CSNK1G3: variants seen among roughly 807,000 people sequenced by gnomAD.
CSNK1G3 encodes casein kinase 1 gamma 3, also known as casein kinase I isoform gamma-3.
A neutral mutation model predicts 64.3 loss-of-function variants in CSNK1G3; 23 were observed. The observed-to-expected ratio is 0.36, with a 90% confidence interval of 0.26 to 0.51. The LOEUF is 0.51. CSNK1G3 is among the 20% of genes least tolerant of loss of function. The probability of loss-of-function intolerance (pLI) is 0.96; values close to 1 mark genes in which losing one functional copy is unlikely to be tolerated. For missense variants in CSNK1G3, 357 were observed against 510.5 expected (o/e 0.70, Z 2.90); for synonymous variants, 158 against 162.2 (o/e 0.97, Z 0.20).
chr5:123,581,399 C>A (rs1401494307), intron 6 of CSNK1G3, among the ~76,000 whole-genome samples: 1 of 88,992 alleles, frequency 1.1e-5, no homozygotes, highest in Non-Finnish European at 2.4e-5. Flanking sequence ...CCTGTGTTGT[C>A]CCTTACTTTT....
At chr5:123,559,502 A>G (rs939798507) in intron 4 of CSNK1G3, among the ~76,000 whole-genome samples, 4 of 152,188 alleles carry the variant, frequency 2.6e-5, no homozygotes, top group African/African-American at 7.2e-5. Flanking sequence ...GTGTTGCACA[A>G]CTGCAGGGAC....
At chr5:123,525,964 CT>C (rs1249878979) in intron 1 of CSNK1G3, among the ~76,000 whole-genome samples, 1 of 149,386 alleles carries the variant, frequency 6.7e-6, no homozygotes, top group Non-Finnish European at 1.5e-5. Context: ...CACCACTGCA[CT>C]CCAGCTTGGG....
Position 123,538,663 on chromosome 5 carries a change from T to C in CSNK1G3, c.-247-6754T>C, listed in dbSNP as rs1010475491. Among the ~76,000 whole-genome samples, 3 of 152,184 alleles carry C rather than the reference T, an allele frequency of 2.0e-5. No individual in the cohort carries two copies. The East Asian group carries it at 5.8e-4, about 29-fold the overall frequency. On this transcript the variant is annotated intron_variant, in intron 1 of 12. Coordinates refer to ENST00000345990, the Ensembl canonical transcript of CSNK1G3. ...GTTTGATGGGTGCAGCATACCACCA[T>C]GGCGCATGTATACCTGTGTAACAAA... is the stretch of plus-strand genomic sequence containing the variant.
intron 1 of CSNK1G3, among the ~76,000 whole-genome samples, chr5:123,526,424 G>T (rs959167809): frequency 7.9e-5 from 12 of 151,784 alleles, no homozygotes; most frequent in African/African-American, 2.9e-4. Flanking sequence ...AGACAGTTTT[G>T]TTAAAGGAAA....
chr5:123,558,629 GGC>G (rs1324675338), intron 4 of CSNK1G3, among the ~76,000 whole-genome samples: 1 of 151,980 alleles, frequency 6.6e-6, no homozygotes, highest in Non-Finnish European at 1.5e-5. Flanking sequence ...TCATTGTAGG[GGC>G]AATAAGTTTT....
chr5:123,562,349 A>G (rs937491705), intron 4 of CSNK1G3, among the ~76,000 whole-genome samples: 1 of 152,004 alleles, frequency 6.6e-6, no homozygotes, highest in African/African-American at 2.4e-5. Context: ...TGTCTTCTCC[A>G]CTGAATTTTG....
intron 6 of CSNK1G3, among the ~76,000 whole-genome samples, chr5:123,586,887 A>G (rs1056226033): frequency 2.0e-5 from 3 of 152,222 alleles, no homozygotes; most frequent in African/African-American, 4.8e-5. Flanking sequence ...CCTCACAGTC[A>G]CGGCAGAAGG....
intron 6 of CSNK1G3, 54 bp downstream of exon 6, chr5:123,576,017 C>A (rs989174945): frequency 1.7e-6 from 2 of 1,148,948 alleles, no homozygotes; most frequent in Non-Finnish European, 1.3e-6. Flanking sequence ...TGTGCTAACA[C>A]TGTGAGTTTT....
intron 6 of CSNK1G3, among the ~76,000 whole-genome samples, chr5:123,583,655 C>T (rs1051083355): frequency 6.6e-6 from 1 of 151,888 alleles, no homozygotes. Context: ...TGAGCCACCG[C>T]GCCCGGCCCA....
chr5:123,575,282 T>G (rs532585746), intron 5 of CSNK1G3, among the ~76,000 whole-genome samples: 1 of 152,246 alleles, frequency 6.6e-6, no homozygotes, highest in Non-Finnish European at 1.5e-5. Context: ...TGCTGTTGTT[T>G]TTACTTAATA....
chr5:123,581,161 A>G (rs1790165801), intron 6 of CSNK1G3, among the ~76,000 whole-genome samples: 2 of 151,616 alleles, frequency 1.3e-5, no homozygotes, highest in Non-Finnish European at 3.0e-5. Context: ...GTATTATATA[A>G]TTTTTTGTTA....
chr5:123,537,742 A>C (rs1781077779), intron 1 of CSNK1G3, among the ~76,000 whole-genome samples: 1 of 152,094 alleles, frequency 6.6e-6, no homozygotes, highest in Non-Finnish European at 1.5e-5. Context: ...TAGTTTGATG[A>C]GTTTTGGCAA....
At chr5:123,532,582 AGT>A (rs1430950637) in intron 1 of CSNK1G3, among the ~76,000 whole-genome samples, 2 of 151,852 alleles carry the variant, frequency 1.3e-5, no homozygotes, top group Non-Finnish European at 3.0e-5. Context: ...ATTCTCAGGA[AGT>A]GTATGGATTT....
intron 4 of CSNK1G3, among the ~76,000 whole-genome samples, chr5:123,570,625 G>A (rs1787906123): frequency 6.6e-6 from 1 of 152,006 alleles, no homozygotes; most frequent in African/African-American, 2.4e-5. Context: ...CAAAGTCCTG[G>A]GATTACAGGC....
chr5:123,564,989 A>C (rs1786547173), intron 4 of CSNK1G3, among the ~76,000 whole-genome samples: 1 of 152,164 alleles, frequency 6.6e-6, no homozygotes, highest in Non-Finnish European at 1.5e-5. Context: ...GTAGCTATTG[A>C]TATTTACCAT....
exon 2 of CSNK1G3, chr5:123,545,489 A>G: frequency 4.2e-6 from 2 of 478,898 alleles, no homozygotes; most frequent in Non-Finnish European, 7.3e-6. Context: ...AGACACTAAG[A>G]AAAATTTTAC....
At position 123,575,710 on chromosome 5, in the gene CSNK1G3, CT is replaced by C. The variant is rs766639375; in HGVS notation, c.439-12del. The C allele has an allele frequency of 9.0e-6, 14 of 1,550,184 alleles. No homozygotes were observed. In the East Asian group the frequency reaches 2.0e-4, roughly 22 times the overall value. ...CAAAGCCCAAAATAAAACTTCTCTTCTTTTTTTCTTAAACCAAGATTTCTCG... is the reference window on the plus strand; with the variant it reads ...CAAAGCCCAAAATAAAACTTCTCTTCTTTTTTCTTAAACCAAGATTTCTCG... On this transcript the variant is annotated intron_variant, in intron 5 of 12. Transcript: ENST00000345990.
intron 2 of CSNK1G3, 37 bp from the exon 3 acceptor site, chr5:123,553,070 A>G (rs764062360): frequency 2.5e-5 from 29 of 1,166,318 alleles, no homozygotes; most frequent in Non-Finnish European, 3.4e-5. Context: ...TTTAAAATCA[A>G]TTACTGGCAG....
intron 6 of CSNK1G3, among the ~76,000 whole-genome samples, chr5:123,581,446 T>C (rs1790263532): frequency 6.7e-6 from 1 of 148,788 alleles, no homozygotes; most frequent in African/African-American, 2.4e-5. Flanking sequence ...CTGGCAACAC[T>C]TTGCTTTTCT....
Sources: gnomAD v4.1 joint callset for allele counts (sites outside exome capture counted in the v4.1 genomes callset) on GRCh38, gnomAD v4.1.1 for gene constraint, MANE v1.5 for transcripts, NCBI Gene and HGNC (gene_info 2026-07-23, HGNC 2026-07-21) for gene names.